The following GUSB variants were observed in gnomAD, a reference collection of about 807,000 sequenced individuals.
GUSB encodes the protein glucuronidase beta.
GUSB carries 51 observed loss-of-function variants against 74.6 expected under a neutral mutation model. That is an observed-to-expected ratio of 0.68 (90% CI 0.55 to 0.86). The LOEUF is 0.86. GUSB is among the 40% of genes least tolerant of loss of function. The probability of loss-of-function intolerance (pLI) is 0.00; values close to 1 mark genes in which losing one functional copy is unlikely to be tolerated. For missense variants in GUSB, 736 were observed against 853.7 expected, an observed-to-expected ratio of 0.86 and a Z score of 1.72; for synonymous variants, 360 against 348.3, an observed-to-expected ratio of 1.03 and a Z score of -0.37.
At chr7:65,968,475 CCA>C (rs1488410703) in intron 9 of GUSB, among the ~76,000 whole-genome samples, 1 of 152,184 alleles carries the variant, frequency 6.6e-6, no homozygotes, top group African/African-American at 2.4e-5. Context: ...AGGGCCCCCA[CCA>C]CTGGAACTGA....
chr7:65,967,860 A>AT lies in GUSB; in HGVS notation c.1523dup (p.Tyr508Ter). 1 of 1,606,190 alleles carries AT rather than the reference A, an allele frequency of 6.2e-7. No individual in the cohort carries two copies. Residue 508 changes from tyrosine (Y) to a stop codon, truncating the protein, a stop_gained and frameshift_variant, in exon 10 of 12, where the codon TAT (tyrosine) becomes TAAT (stop). Transcript: ENST00000304895. LOFTEE classifies it high-confidence loss of function. ...TCAACTCCAGGTGCCCGTAGTCGTGATACCAAGAGTAGTAGCTGTTCAAAC... is the reference window on the plus strand; with the variant it reads ...TCAACTCCAGGTGCCCGTAGTCGTGATTACCAAGAGTAGTAGCTGTTCAAAC... ...VICLNSYYSW[Y>*]HDYGHLELIQ...
Position 65,975,034 on chromosome 7 carries a change from G to A in GUSB, c.950C>T (p.Ser317Phe), listed in dbSNP as rs779693774. 5.6e-6 allele frequency: 9 copies of A among 1,613,512 alleles called. No homozygotes were observed. The highest frequency in any genetic ancestry group is 7.6e-6 in the Non-Finnish European group (9 of 1,179,522). The change falls in exon 6 of 12, where the codon TCT (serine) becomes TTT (phenylalanine). Residue 317 changes from serine (S) to phenylalanine (F), a missense_variant. Ser to Phe is a radical substitution (Grantham distance 155). Coordinates refer to ENST00000304895, the MANE Select transcript of GUSB (RefSeq NM_000181.4). ...CCCCACAGGGAGTGTGTAGAAGTCA[G>A]ACACAGGCCCCAGTGACGTCTGTGC... ...LTAQTSLGPV[S>F]DFYTLPVGIR...
chr7:65,979,827 G>T lies in GUSB; in HGVS notation c.481C>A (p.Pro161Thr), dbSNP rs1312669023. The stretch of plus-strand genomic sequence containing the variant: ...GTGATTCGGAGCCGGGAGGGCAGGG[G>T]CCCCACCTGGACCAGGTTGCTGATG... Reference protein sequence around the residue: ...ADISNLVQVGPLPSRLRITIA... With the variant: ...ADISNLVQVGTLPSRLRITIA... The change falls in exon 3 of 12, where the codon CCC (proline) becomes ACC (threonine). Residue 161 changes from proline (P) to threonine (T), a missense_variant. Physicochemically the swap from Pro to Thr is conservative, Grantham distance 38 (BLOSUM62 -1). Coordinates refer to ENST00000304895, the MANE Select transcript of GUSB (RefSeq NM_000181.4). 1 of 1,613,626 alleles carries T rather than the reference G, an allele frequency of 6.2e-7. No individual in the cohort carries two copies. Among genetic ancestry groups the T allele is most frequent in the African/African-American group, 1.3e-5 (1 of 75,030 alleles).
rs369465888 is a variant in GUSB at position 65,976,115 on chromosome 7, G to T, written c.812C>A (p.Ala271Glu). ...TTGGCCCTGGGTCCCAGTCCCATTC[G>T]CCACGACTTTGTTTTCTGCATCCAA... ...RLLDAENKVV[A>E]NGTGTQGQLK... Residue 271 changes from alanine (A) to glutamate (E), a missense_variant, in exon 5 of 12, where the codon GCG becomes GAG. Ala to Glu is a moderately radical substitution (Grantham distance 107, BLOSUM62 -1). Coordinates refer to ENST00000304895, the MANE Select transcript of GUSB (RefSeq NM_000181.4). The T allele has an allele frequency of 6.2e-6, 10 of 1,613,578 alleles. No homozygotes were observed. The highest frequency in any genetic ancestry group is 7.6e-6 in the Non-Finnish European group (9 of 1,179,834).
In GUSB at chr7:65,960,844, G is replaced by A; in HGVS notation, c.*53C>T. The A allele has an allele frequency of 6.7e-7, 1 of 1,487,308 alleles. No individual in the cohort carries two copies. 92.1% of individuals were successfully genotyped at this position (1,487,308 alleles called of 1,614,324 possible). ...CAGGAGGCACTTGTTCTGCTGCTGT[G>A]GAAGTCGCCCTGACTCGGGGAGGAA... On this transcript the variant is annotated 3_prime_UTR_variant, in exon 12 of 12. Coordinates refer to ENST00000304895, the MANE Select transcript of GUSB (RefSeq NM_000181.4).
rs747297355 is a variant in GUSB at position 65,976,012 on chromosome 7, T to C, written c.912+3A>G. The C allele has an allele frequency of 6.2e-6, 10 of 1,612,950 alleles. No individual in the cohort carries two copies. The highest frequency in any genetic ancestry group is 8.5e-6 in the Non-Finnish European group (10 of 1,179,728). ...CCTTAGGCATGTCCCAAACCACCAT[T>C]ACCTCCAATGAATACAGATAGGCAG... On this transcript the variant is annotated splice_donor_region_variant and intron_variant, in intron 5 of 11. Transcript: ENST00000304895.
intron 4 of GUSB, among the ~76,000 whole-genome samples, chr7:65,978,240 A>G (rs192251307): frequency 1.6e-3 from 249 of 152,304 alleles, no homozygotes; most frequent in Non-Finnish European, 2.8e-3. Flanking sequence ...TCCCGAAGTC[A>G]GGAGTTGAAC....
rs114486864 is a variant in GUSB, at chr7:65,969,403, G to T, written c.1476+879C>A. On this transcript the variant is annotated intron_variant, in intron 9 of 11. Coordinates refer to ENST00000304895, the MANE Select transcript of GUSB (RefSeq NM_000181.4). ...CAAAATAAATAAATAAATAAATAAAGAATGCTAATGTCAGCCAGGCACTGC... is the reference window on the plus strand; with the variant it reads ...CAAAATAAATAAATAAATAAATAAATAATGCTAATGTCAGCCAGGCACTGC... 2.1e-3 allele frequency among the ~76,000 whole-genome samples: 312 copies of T among 151,778 alleles called. 3 individuals are homozygous for T. Among genetic ancestry groups the T allele is most frequent in the African/African-American group, 7.0e-3 (289 of 41,330 alleles).
In GUSB at chr7:65,981,969, C is replaced by G; in HGVS notation, c.210+5G>C. On this transcript the variant is annotated splice_donor_5th_base_variant and intron_variant, in intron 1 of 11. Coordinates refer to ENST00000304895, the MANE Select transcript of GUSB (RefSeq NM_000181.4). Reference sequence around the variant, plus strand: ...GCGCCTCCCGGCCCTGCCCCGAGATCGCACCTCCCACAGCGGCCGCCGGTA... The same window carrying G: ...GCGCCTCCCGGCCCTGCCCCGAGATGGCACCTCCCACAGCGGCCGCCGGTA... 6.2e-7 allele frequency: 1 copy of G among 1,604,466 alleles called. No homozygotes were observed. Among genetic ancestry groups the G allele is most frequent in the African/African-American group, 1.3e-5 (1 of 74,640 alleles).
chr7:65,972,337 T>C (rs1791269283), intron 8 of GUSB, among the ~76,000 whole-genome samples: 1 of 152,102 alleles, frequency 6.6e-6, no homozygotes, highest in Admixed American at 6.5e-5. Flanking sequence ...AATTGTTTTA[T>C]TTTTAGTAGA....
chr7:65,963,343 C>T (rs539687232), intron 11 of GUSB, among the ~76,000 whole-genome samples: 20 of 152,234 alleles, frequency 1.3e-4, no homozygotes, highest in East Asian at 3.9e-4. Context: ...CTCACTCTTA[C>T]GCTTTACCTT....
In GUSB at chr7:65,982,133, C is replaced by T; in HGVS notation, c.51G>A (p.Trp17Ter). The T allele has an allele frequency of 6.4e-7, 1 of 1,562,008 alleles. No individual in the cohort carries two copies. The highest frequency in any genetic ancestry group is 1.2e-5 in the South Asian group (1 of 86,108). Reference sequence around the variant, plus strand: ...CGCCCTGCAGCCCCAGCGCGCAGCCCCACAACAACGGCCCGAGCGCCGCCC... The same window carrying T: ...CGCCCTGCAGCCCCAGCGCGCAGCCTCACAACAACGGCCCGAGCGCCGCCC... ...VAWAALGPLL[W>*]GCALGLQGGM... is the part of the protein sequence containing the mutation. Residue 17 changes from tryptophan to a stop codon, truncating the protein, a stop_gained, in exon 1 of 12, where the codon TGG becomes TGA. Transcript: ENST00000304895. LOFTEE classifies it high-confidence loss of function.
In GUSB at chr7:65,976,055, TACGGC is replaced by T; in HGVS notation, c.867_871del (p.Trp289Ter). The T allele has an allele frequency of 1.2e-6, 2 of 1,613,834 alleles. No homozygotes were observed. The highest frequency in any genetic ancestry group is 1.7e-5 in the Admixed American group (1 of 59,992). The stretch of plus-strand genomic sequence containing the variant: ...ATAGGCAGGGCGTTCGTGCATCAGG[TACGGC>T]CACCAGAGGCTGACACCTGGCACCT... On this transcript the variant is annotated stop_gained and frameshift_variant, in exon 5 of 12. Coordinates refer to ENST00000304895, the MANE Select transcript of GUSB (RefSeq NM_000181.4). LOFTEE classifies it high-confidence loss of function.
At chr7:65,968,914 A>T (rs1372943360) in intron 9 of GUSB, among the ~76,000 whole-genome samples, 1 of 152,090 alleles carries the variant, frequency 6.6e-6, no homozygotes, top group Admixed American at 6.6e-5. Flanking sequence ...GGGAGCTTTC[A>T]CAAGGCAGCA....
At chr7:65,975,832 CAG>C (rs1402667705) in intron 5 of GUSB, 181 bp downstream of exon 5, 11 of 545,654 alleles carry the variant, frequency 2.0e-5, no homozygotes, top group Admixed American at 1.4e-4. Flanking sequence ...GCCTGGGTGA[CAG>C]AGTGAGACCA....
Position 65,967,839 on chromosome 7 carries a change from C to T in GUSB, c.1545G>A (p.Glu515=), listed in dbSNP as rs1357654478. Residue 515 remains glutamate, a synonymous_variant, in exon 10 of 12, where the codon GAG becomes GAA. Coordinates refer to ENST00000304895, the MANE Select transcript of GUSB (RefSeq NM_000181.4). ...GGGTGGCCAGCTGCAGCTGAATCAA[C>T]TCCAGGTGCCCGTAGTCGTGATACC... ...YSWYHDYGHL[E]LIQLQLATQF... is the part of the protein sequence containing the mutation. 4 of 1,608,910 alleles carry T rather than the reference C, an allele frequency of 2.5e-6. No individual in the cohort carries two copies. Among genetic ancestry groups the T allele is most frequent in the Non-Finnish European group, 3.4e-6 (4 of 1,178,894 alleles).
chr7:65,978,360 ATTGT>A (rs891384012), intron 4 of GUSB, among the ~76,000 whole-genome samples: 58 of 152,028 alleles, frequency 3.8e-4, no homozygotes, highest in African/African-American at 1.3e-3. Flanking sequence ...AGGCAAGAGA[ATTGT>A]TTGAACCCGG....
At chr7:65,975,936 G>T in intron 5 of GUSB, 79 bp downstream of exon 5, 2 of 1,193,626 alleles carry the variant, frequency 1.7e-6, no homozygotes, top group Non-Finnish European at 2.4e-6. Flanking sequence ...CCATCCACCT[G>T]TCTTGGGCTC....
At chr7:65,981,264 A>C (rs1415719012) in intron 1 of GUSB, among the ~76,000 whole-genome samples, 6 of 123,200 alleles carry the variant, frequency 4.9e-5, no homozygotes, top group African/African-American at 1.9e-4. Context: ...TAGTCTCACT[A>C]TGTCGCCCAA....
Sources: allele counts gnomAD v4.1 joint callset (sites outside exome capture counted in the v4.1 genomes callset), GRCh38; gene constraint gnomAD v4.1.1; transcripts MANE v1.5; gene names NCBI Gene and HGNC (gene_info 2026-07-23, HGNC 2026-07-21).